GPC5: variants seen among roughly 807,000 people sequenced by gnomAD.
The protein encoded by GPC5 is glypican 5, also known as glypican-5.
A neutral mutation model predicts 53.9 loss-of-function variants in GPC5; 47 were observed. That is an observed-to-expected ratio of 0.87 (90% CI 0.69 to 1.11). The LOEUF (loss-of-function observed/expected upper bound fraction) is 1.11. Ranked by LOEUF, GPC5 falls within the 50% of genes most tolerant of loss-of-function variation. The pLI, the probability that GPC5 is intolerant of heterozygous loss-of-function variation, is 0.00. For synonymous variants in GPC5, 286 were observed against 263.3 expected, an observed-to-expected ratio of 1.09 and a Z score of -0.84; for missense variants, 748 against 713.1, an observed-to-expected ratio of 1.05 and a Z score of -0.56.
At chr13:91,926,359 TA>T (rs34690525) in intron 6 of GPC5, among the ~76,000 whole-genome samples, 6,107 of 96,298 alleles carry the variant, frequency 0.063, 179 homozygotes, top group African/African-American at 0.11. Flanking sequence ...AGACTCCACC[TA>T]AAAAAAAAAA....
At chr13:92,400,924 T>G (rs888788456) in intron 7 of GPC5, among the ~76,000 whole-genome samples, 4 of 33,372 alleles carry the variant, frequency 1.2e-4, no homozygotes, top group South Asian at 9.8e-4. Flanking sequence ...GGGATGGGTC[T>G]TTTTTTTTTG....
chr13:92,230,947 T>C (rs967798541), intron 7 of GPC5, among the ~76,000 whole-genome samples: 3 of 152,178 alleles, frequency 2.0e-5, no homozygotes, highest in Admixed American at 6.5e-5. Context: ...ATAAATAAAT[T>C]GTCCTTAGAA....
chr13:91,709,450 G>A (rs4773644), intron 3 of GPC5, among the ~76,000 whole-genome samples: 15,663 of 151,980 alleles, frequency 0.1, 1,065 homozygotes, highest in East Asian at 0.24. Context: ...TTTAGCATTC[G>A]GTCTTCTCTC....
chr13:92,297,665 G>A (rs966345836), intron 7 of GPC5, among the ~76,000 whole-genome samples: 4 of 152,136 alleles, frequency 2.6e-5, no homozygotes, highest in South Asian at 2.1e-4. Context: ...CTCAGGGATT[G>A]TAAACGCACC....
At chr13:92,094,673 C>A (rs1360649941) in intron 6 of GPC5, among the ~76,000 whole-genome samples, 3 of 151,716 alleles carry the variant, frequency 2.0e-5, no homozygotes, top group African/African-American at 7.3e-5. Context: ...ATTTCAAAGT[C>A]ACCTTTCCTT....
intron 7 of GPC5, among the ~76,000 whole-genome samples, chr13:92,347,860 T>TA (rs2043427741): frequency 1.2e-4 from 2 of 16,822 alleles, no homozygotes; most frequent in African/African-American, 1.2e-3. Flanking sequence ...TATACATATA[T>TA]ATATTATATA....
At chr13:92,347,462 A>G (rs2043422875) in intron 7 of GPC5, among the ~76,000 whole-genome samples, 2 of 152,198 alleles carry the variant, frequency 1.3e-5, no homozygotes, top group Admixed American at 1.3e-4. Context: ...AATGAGGAAG[A>G]AATAGAAACT....
At chr13:91,992,616 C>T (rs987868459) in intron 6 of GPC5, among the ~76,000 whole-genome samples, 1 of 152,018 alleles carries the variant, frequency 6.6e-6, no homozygotes, top group Non-Finnish European at 1.5e-5. Flanking sequence ...AGCCACCATG[C>T]CTGGCTAATT....
At chr13:91,466,744 G>A (rs1253118760) in intron 2 of GPC5, among the ~76,000 whole-genome samples, 1 of 152,006 alleles carries the variant, frequency 6.6e-6, no homozygotes, top group Admixed American at 6.6e-5. Context: ...GGAGAGGGAG[G>A]AACCTAGGAT....
chr13:92,529,756 A>G (rs924840141), intron 7 of GPC5, among the ~76,000 whole-genome samples: 1 of 152,156 alleles, frequency 6.6e-6, no homozygotes, highest in Non-Finnish European at 1.5e-5. Context: ...CACACCATAG[A>G]ACTAGTCATA....
intron 7 of GPC5, among the ~76,000 whole-genome samples, chr13:92,728,776 A>G (rs1246197533): frequency 6.6e-6 from 1 of 151,406 alleles, no homozygotes; most frequent in East Asian, 1.9e-4. Context: ...TTTAATTCAT[A>G]CATTGTAATT....
rs1051810949 is a variant in GPC5 at position 92,242,888 on chromosome 13, T to C, written c.1561+97899T>C. ...CTGTAAGAAAGAAATATTAAAGCTA[T>C]AGGATTTTATGTGTCTAATTTCTTA... On this transcript the variant is annotated intron_variant, in intron 7 of 7. Transcript: ENST00000377067. Among the ~76,000 whole-genome samples, 3 of 152,332 alleles carry C rather than the reference T, an allele frequency of 2.0e-5. No homozygotes were observed. The East Asian group carries it at 5.8e-4, about 29-fold the overall frequency.
intron 7 of GPC5, among the ~76,000 whole-genome samples, chr13:92,493,311 G>T (rs1879837077): frequency 6.6e-6 from 1 of 152,162 alleles, no homozygotes; most frequent in Admixed American, 6.5e-5. Context: ...GAAATTAGAA[G>T]ATATCACTTG....
chr13:91,978,334 G>A (rs78048466), intron 6 of GPC5, among the ~76,000 whole-genome samples: 3,616 of 152,220 alleles, frequency 0.024, 145 homozygotes, highest in African/African-American at 0.083. Context: ...ACTCATTGTA[G>A]CAATATTTAT....
intron 2 of GPC5, among the ~76,000 whole-genome samples, chr13:91,607,639 A>G (rs1207033537): frequency 1.3e-5 from 2 of 152,222 alleles, no homozygotes; most frequent in African/African-American, 2.4e-5. Flanking sequence ...GCATAATTAC[A>G]TAAACAAAAG....
At chr13:91,413,443 A>G (rs1423409395) in intron 1 of GPC5, among the ~76,000 whole-genome samples, 1 of 152,250 alleles carries the variant, frequency 6.6e-6, no homozygotes, top group African/African-American at 2.4e-5. Flanking sequence ...ATAGCATTGG[A>G]GAATAGAATT....
intron 2 of GPC5, among the ~76,000 whole-genome samples, chr13:91,621,761 T>TTATATATATATATA (rs1555331079): frequency 5.1e-4 from 24 of 46,856 alleles, no homozygotes; most frequent in Admixed American, 3.1e-3. Context: ...GGACAGAACA[T>TTATATATATATATA]TATATATATA....
chr13:91,576,094 G>C (rs937847746), intron 2 of GPC5, among the ~76,000 whole-genome samples: 3 of 152,078 alleles, frequency 2.0e-5, no homozygotes, highest in Non-Finnish European at 4.4e-5. Flanking sequence ...ATTACCAGAG[G>C]CTGAAGGATG....
chr13:92,537,681 C>A (rs1367629817), intron 7 of GPC5, among the ~76,000 whole-genome samples: 1 of 152,094 alleles, frequency 6.6e-6, no homozygotes, highest in Non-Finnish European at 1.5e-5. Flanking sequence ...TAATGAATGT[C>A]AAAATCCTGC....
Sources: gnomAD v4.1 joint callset for allele counts (sites outside exome capture counted in the v4.1 genomes callset) on GRCh38, gnomAD v4.1.1 for gene constraint, MANE v1.5 for transcripts, NCBI Gene and HGNC (gene_info 2026-07-23, HGNC 2026-07-21) for gene names.